Variants in GRAP observed in about 807,000 individuals in gnomAD.
GRAP encodes the protein GRB2 related adaptor protein, also known as GRB2-related adapter protein.
Under a neutral mutation model 9.1 loss-of-function variants are expected in GRAP, and 2 were observed. The observed-to-expected ratio is 0.22, with a 90% CI of 0.09 to 0.69. The LOEUF (loss-of-function observed/expected upper bound fraction) is 0.69. Among genes scored for constraint, GRAP ranks in the 30% least tolerant of loss-of-function variants. The pLI, the probability that GRAP is intolerant of heterozygous loss-of-function variation, is 0.81. For missense variants in GRAP, 113 were observed against 179.4 expected, an observed-to-expected ratio of 0.63 and a Z score of 2.12; for synonymous variants, 68 against 73.6, an observed-to-expected ratio of 0.92 and a Z score of 0.39.
At position 19,021,068 on chromosome 17, in the gene GRAP, T is replaced by C. The variant is rs2044258034; in HGVS notation, c.*891A>G. 6.6e-6 allele frequency: 1 copy of C among 152,598 alleles called. No homozygotes were observed. Among genetic ancestry groups the C allele is most frequent in the Non-Finnish European group, 1.5e-5 (1 of 68,410 alleles). The allele number at this position is 152,598 out of a possible 1,614,324, so 9.5% of individuals were successfully genotyped here. The stretch of plus-strand genomic sequence containing the variant: ...TCTGGAGGACCCTCCTGTTCTCGGG[T>C]AGGGGCCGTGCCCCACCTAGGTAGC... On this transcript the variant is annotated 3_prime_UTR_variant, in exon 5 of 5. Coordinates refer to ENST00000284154, the MANE Select transcript of GRAP (RefSeq NM_006613.4). This position sits in a 1 kb window ranked among gnomAD's most constrained non-coding sequence, Gnocchi z 4.1.
At chr17:19,023,479 C>G (rs971710013) in intron 4 of GRAP, among the ~76,000 whole-genome samples, 1 of 152,164 alleles carries the variant, frequency 6.6e-6, no homozygotes, top group African/African-American at 2.4e-5. Context: ...CCAGCATCCC[C>G]GCTCCTGAAG....
intron 4 of GRAP, among the ~76,000 whole-genome samples, chr17:19,023,631 AC>A (rs1280472348): frequency 4.9e-5 from 3 of 61,830 alleles, no homozygotes; most frequent in African/African-American, 6.8e-5. Context: ...GATGACCCCG[AC>A]CCCCCACCCC....
rs1176985005 is a variant in GRAP, at chr17:19,024,399, C to T, written c.300-16G>A. 6 of 1,607,068 alleles carry T rather than the reference C, an allele frequency of 3.7e-6. No homozygotes were observed. The highest frequency in any genetic ancestry group is 5.1e-6 in the Non-Finnish European group (6 of 1,176,938). ...GTCTCCATAGCTAGGGGAAAGGACC[C>T]GGGGCCACCTCAGGTGGTGGCCGTC... On this transcript the variant is annotated splice_polypyrimidine_tract_variant and intron_variant, in intron 3 of 4. Transcript: ENST00000284154. This position sits in a 1 kb window ranked among gnomAD's most constrained non-coding sequence, Gnocchi z 4.2.
Position 19,024,162 on chromosome 17 carries a change from G to A in GRAP, c.468+53C>T. Reference sequence around the variant, plus strand: ...CAGTGTCAGCATCTCCCCTGCTGCAGATGGCAGGAGGTGCAGAGAGGCTCC... The same window carrying A: ...CAGTGTCAGCATCTCCCCTGCTGCAAATGGCAGGAGGTGCAGAGAGGCTCC... On this transcript the variant is annotated intron_variant, in intron 4 of 4. Coordinates refer to ENST00000284154, the MANE Select transcript of GRAP (RefSeq NM_006613.4). This position sits in a 1 kb window ranked among gnomAD's most constrained non-coding sequence, Gnocchi z 4.2. 2 of 1,505,074 alleles carry A rather than the reference G, an allele frequency of 1.3e-6. No individual in the cohort carries two copies. Among genetic ancestry groups the A allele is most frequent in the East Asian group, 2.5e-5 (1 of 40,650 alleles). The allele number at this position is 1,505,074 out of a possible 1,614,324, so 93.2% of individuals were successfully genotyped here.
At chr17:19,022,471 T>A (rs1264978993) in intron 4 of GRAP, 1 of 290,952 alleles carries the variant, frequency 3.4e-6, no homozygotes, top group African/African-American at 2.2e-5. Context: ...TCTCTTGGGA[T>A]CTTATTTACC....
intron 3 of GRAP, chr17:19,033,160 TG>T (rs1421184043): frequency 7.8e-5 from 1 of 12,836 alleles, no homozygotes; most frequent in African/African-American, 2.6e-4. Flanking sequence ...AGGGTGAATG[TG>T]GGGGGCTGTG....
chr17:19,022,159 G>A lies in GRAP; in HGVS notation c.469-15C>T, dbSNP rs773171254. 1.4e-6 allele frequency: 2 copies of A among 1,424,984 alleles called. No homozygotes were observed. The highest frequency in any genetic ancestry group is 1.5e-5 in the South Asian group (1 of 68,680). 88.3% of individuals were successfully genotyped at this position (1,424,984 alleles called of 1,614,324 possible). A position where few individuals can be genotyped will look rare whatever the true frequency, so the allele number is the denominator to read the frequency against. On this transcript the variant is annotated splice_polypyrimidine_tract_variant and intron_variant, in intron 4 of 4. Coordinates refer to ENST00000284154, the MANE Select transcript of GRAP (RefSeq NM_006613.4). ...GCCCCAGGTGACTGCAAGAAGAGGA[G>A]GTGGTTAGTAGGGTGCCTTCAGAAG...
chr17:19,051,051 A>G (rs2044394734), upstream of GRAP, among the ~76,000 whole-genome samples: 1 of 140,424 alleles, frequency 7.1e-6, no homozygotes, highest in African/African-American at 2.5e-5. Flanking sequence ...AAAAAAAAAA[A>G]AAAAAGAAAG....
chr17:19,021,962 C>T lies in GRAP; in HGVS notation c.651G>A (p.Leu217=), dbSNP rs755548763. Residue 217 remains leucine (L), a synonymous_variant, in exon 5 of 5, where the codon CTG becomes CTA. Transcript: ENST00000284154. The surrounding 1 kb of genome is among the most constrained non-coding windows in gnomAD (Gnocchi z 4.1). ...FPRSYVQPVH[L] is the part of the protein sequence containing the mutation. ...GCCAGATCGGCCGCCGGGCTGCTCA[C>T]AGGTGCACGGGCTGCACGTAACTCC... 7.1e-6 allele frequency: 11 copies of T among 1,541,736 alleles called. No homozygotes were observed. The East Asian group carries it at 2.1e-4, about 29-fold the overall frequency.
chr17:19,031,867 A>AGGACCCAGGAGCCT (rs2044340025), intron 3 of GRAP: 1 of 151,508 alleles, frequency 6.6e-6, no homozygotes, highest in Non-Finnish European at 1.5e-5. Context: ...GAATGGGAGC[A>AGGACCCAGGAGCCT]GGACCCAGGA....
chr17:19,024,276 C>T lies in GRAP; in HGVS notation c.407G>A (p.Arg136His), dbSNP rs752148832. Reference protein sequence around the residue: ...NSLNELVDFYRTTTIAKKRQI... With the variant: ...NSLNELVDFYHTTTIAKKRQI... ...CCGCTTCTTGGCGATGGTGGTGGTG[C>T]GGTAGAAGTCGACCAGCTCGTTGAG... The change falls in exon 4 of 5, where the codon CGC becomes CAC. Residue 136 changes from arginine to histidine, a missense_variant. Around this residue, in one of 2 missense-constraint regions of GRAP, gnomAD observed 113 missense variants for 163.3 expected, o/e 0.69. Coordinates refer to ENST00000284154, the MANE Select transcript of GRAP (RefSeq NM_006613.4). This position sits in a 1 kb window ranked among gnomAD's most constrained non-coding sequence, Gnocchi z 4.2. 12 of 1,606,680 alleles carry T rather than the reference C, an allele frequency of 7.5e-6. No homozygotes were observed. The highest frequency in any genetic ancestry group is 3.3e-5 in the South Asian group (3 of 89,686).
rs1487549597 is a variant in GRAP at position 19,021,253 on chromosome 17, C to A, written c.*706G>T. ...AGAGCCAGGGCAGCCAGGGTCTCTG[C>A]GTGGCTGGGCCCAGGGCTTGCCCTC... is the stretch of plus-strand genomic sequence containing the variant. On this transcript the variant is annotated 3_prime_UTR_variant, in exon 5 of 5. Transcript: ENST00000284154. This position sits in a 1 kb window ranked among gnomAD's most constrained non-coding sequence, Gnocchi z 4.1. 1 of 152,370 alleles carries A rather than the reference C, an allele frequency of 6.6e-6. No individual in the cohort carries two copies. The highest frequency in any genetic ancestry group is 1.5e-5 in the Non-Finnish European group (1 of 68,148). 9.4% of individuals were successfully genotyped at this position (152,370 alleles called of 1,614,324 possible). A position where few individuals can be genotyped will look rare whatever the true frequency, so the allele number is the denominator to read the frequency against.
At chr17:19,025,380 G>C (rs1175550130) in intron 3 of GRAP, among the ~76,000 whole-genome samples, 1 of 148,036 alleles carries the variant, frequency 6.8e-6, no homozygotes, top group South Asian at 2.2e-4. Context: ...TTTTAGTAGA[G>C]ACGGGGTTTC....
At chr17:19,027,484 G>GCGCGCGCGCGCGCACA (rs1555583245) in intron 3 of GRAP, among the ~76,000 whole-genome samples, 1 of 121,114 alleles carries the variant, frequency 8.3e-6, no homozygotes, top group African/African-American at 3.1e-5. Flanking sequence ...GCGCGCGCGC[G>GCGCGCGCGCGCGCACA]CACACACACA....
Position 19,021,805 on chromosome 17 carries a change from G to T in GRAP, c.*154C>A. ...TGGGGGACCTGGGCCATCCCAGTTT[G>T]TGCAGAGCGGCCGGAGGCAGTTAGG... On this transcript the variant is annotated 3_prime_UTR_variant, in exon 5 of 5. Transcript: ENST00000284154. The surrounding 1 kb of genome is among the most constrained non-coding windows in gnomAD (Gnocchi z 4.1). 1 of 698,446 alleles carries T rather than the reference G, an allele frequency of 1.4e-6. No homozygotes were observed. Among genetic ancestry groups the T allele is most frequent in the Non-Finnish European group, 2.1e-6 (1 of 486,024 alleles). 43.3% of individuals were successfully genotyped at this position (698,446 alleles called of 1,614,324 possible).
Position 19,027,484 on chromosome 17 carries a change from G to GCACACACACACA in GRAP, c.300-3113_300-3102dup, listed in dbSNP as rs776285201. 1.0e-3 allele frequency among the ~76,000 whole-genome samples: 126 copies of GCACACACACACA among 121,204 alleles called. 1 individual carries two copies. Among genetic ancestry groups the GCACACACACACA allele is most frequent in the African/African-American group, 1.6e-3 (51 of 32,204 alleles). 79.5% of individuals were successfully genotyped at this position (121,204 alleles called of 152,430 possible). A position where few individuals can be genotyped will look rare whatever the true frequency, so the allele number is the denominator to read the frequency against. On this transcript the variant is annotated intron_variant, in intron 3 of 4. Coordinates refer to ENST00000284154, the MANE Select transcript of GRAP (RefSeq NM_006613.4). ...ATGGGACACATGCGCGCGCGCGCGC[G>GCACACACACACA]CACACACACACACACACACACACAC...
In GRAP at chr17:19,030,217, C is replaced by G. The variant is rs1431154109; in HGVS notation, c.299+5741G>C. 1.5e-5 allele frequency among the ~76,000 whole-genome samples: 2 copies of G among 135,032 alleles called. 1 individual carries two copies. Among genetic ancestry groups the G allele is most frequent in the Admixed American group, 1.6e-4 (2 of 12,852 alleles). 88.6% of individuals were successfully genotyped at this position (135,032 alleles called of 152,430 possible). A position where few individuals can be genotyped will look rare whatever the true frequency, so the allele number is the denominator to read the frequency against. The stretch of plus-strand genomic sequence containing the variant: ...AGCCAGTCCTGCCCAGCGAGTTTTT[C>G]TGGCCTGGTGGCGGCAGCAGCAGCA... On this transcript the variant is annotated intron_variant, in intron 3 of 4. Transcript: ENST00000284154.
Position 19,027,307 on chromosome 17 carries a change from C to A in GRAP, c.300-2924G>T, listed in dbSNP as rs994768376. Among the ~76,000 whole-genome samples the A allele has an allele frequency of 2.7e-5, 4 of 146,530 alleles. 1 individual carries two copies. Among genetic ancestry groups the A allele is most frequent in the African/African-American group, 1.0e-4 (4 of 40,048 alleles). On this transcript the variant is annotated intron_variant, in intron 3 of 4. Coordinates refer to ENST00000284154, the MANE Select transcript of GRAP (RefSeq NM_006613.4). ...AGCTAATAGCTGGGAAAGCCTGGGG[C>A]CCTGTGAGCCGGGTGAGGCAGGGTA...
At chr17:19,022,310 C>T in intron 4 of GRAP, 166 bp from the exon 5 acceptor site, 1 of 478,154 alleles carries the variant, frequency 2.1e-6, no homozygotes, top group Non-Finnish European at 3.8e-6. Context: ...CACTGGGCCT[C>T]CTGCTGCCCA....
Sources: allele counts gnomAD v4.1 joint callset (sites outside exome capture counted in the v4.1 genomes callset), GRCh38; gene constraint gnomAD v4.1.1; regional missense constraint gnomAD v4.1.1; non-coding constraint Gnocchi (gnomAD v3.1); transcripts MANE v1.5; gene names NCBI Gene and HGNC (gene_info 2026-07-23, HGNC 2026-07-21).